Variants in RABGAP1 observed in about 807,000 individuals in gnomAD.
The protein encoded by RABGAP1 is RAB GTPase activating protein 1, also known as rab GTPase-activating protein 1.
In RABGAP1, 23 loss-of-function variants were observed where a neutral mutation model predicts 137.6. The observed-to-expected ratio is 0.17, with a 90% CI of 0.12 to 0.24. RABGAP1 has a LOEUF of 0.24. Among genes scored for constraint, RABGAP1 ranks in the 10% least tolerant of loss-of-function variants. RABGAP1 has a pLI of 1.00. For missense variants in RABGAP1, 906 were observed against 1,275.8 expected (o/e 0.71, Z 4.42); for synonymous variants, 451 against 450.7 (o/e 1.00, Z -0.01).
At chr9:123,031,971 T>C (rs531866111) in intron 13 of RABGAP1, among the ~76,000 whole-genome samples, 1 of 152,364 alleles carries the variant, frequency 6.6e-6, no homozygotes, top group East Asian at 1.9e-4. Context: ...TTCAGCTACC[T>C]TCAGTGCTTT....
chr9:123,065,079 C>T (rs975592036), intron 13 of RABGAP1, among the ~76,000 whole-genome samples: 1 of 152,164 alleles, frequency 6.6e-6, no homozygotes, highest in Non-Finnish European at 1.5e-5. Context: ...AGAAGGGTCA[C>T]CAGCTGCAGT....
intron 13 of RABGAP1, among the ~76,000 whole-genome samples, chr9:123,045,230 A>G (rs2033153376): frequency 1.3e-5 from 2 of 152,232 alleles, no homozygotes; most frequent in African/African-American, 4.8e-5. Flanking sequence ...GCATTTAAAT[A>G]GCATTATTTA....
intron 13 of RABGAP1, chr9:123,062,701 G>C (rs1175070035): frequency 2.0e-5 from 3 of 152,152 alleles, no homozygotes; most frequent in African/African-American, 7.2e-5. Context: ...AAATTGACAA[G>C]AACTGGCCCA....
intron 10 of RABGAP1, among the ~76,000 whole-genome samples, chr9:123,009,240 T>G (rs1490508240): frequency 6.6e-6 from 1 of 152,228 alleles, no homozygotes. Flanking sequence ...ACTATTTGGC[T>G]CTTTACAGAA....
chr9:123,064,246 G>C (rs181081828), intron 13 of RABGAP1, among the ~76,000 whole-genome samples: 36 of 152,226 alleles, frequency 2.4e-4, no homozygotes, highest in African/African-American at 8.2e-4. Flanking sequence ...CCACAGTCCT[G>C]AGCTGCCATT....
intron 19 of RABGAP1, among the ~76,000 whole-genome samples, chr9:123,088,198 A>T (rs1564187337): frequency 1.3e-5 from 2 of 151,942 alleles, no homozygotes. Flanking sequence ...CTACAGGCAC[A>T]TGCCACCATA....
chr9:122,963,532 C>T (rs1004681208), intron 2 of RABGAP1, among the ~76,000 whole-genome samples: 13 of 149,604 alleles, frequency 8.7e-5, no homozygotes, highest in African/African-American at 2.0e-4. Context: ...AATAAAAAGT[C>T]GAAGAAAAAA....
In RABGAP1 at chr9:122,989,349, A is replaced by G. The variant is rs377510182; in HGVS notation, c.643A>G (p.Ile215Val). ...TEIANYPIYK[I>V]LFCVRGHDGT... ...AATAGCAAACTACCCTATCTACAAA[A>G]TCCTCTTCTGTGTCAGAGGGCATGA... The change falls in exon 5 of 26, where the codon ATC becomes GTC. Residue 215 changes from isoleucine (I) to valine (V), a missense_variant. Transcript: ENST00000373647. 6 of 1,613,716 alleles carry G rather than the reference A, an allele frequency of 3.7e-6. No individual in the cohort carries two copies. The highest frequency in any genetic ancestry group is 4.2e-6 in the Non-Finnish European group (5 of 1,179,830).
chr9:123,052,340 C>T (rs1374758875), intron 13 of RABGAP1, among the ~76,000 whole-genome samples: 1 of 152,100 alleles, frequency 6.6e-6, no homozygotes, highest in Non-Finnish European at 1.5e-5. Context: ...TTAAGATAGA[C>T]CTACATGTTG....
At chr9:122,968,431 C>A (rs1214604838) in intron 2 of RABGAP1, among the ~76,000 whole-genome samples, 4 of 151,886 alleles carry the variant, frequency 2.6e-5, no homozygotes, top group Non-Finnish European at 5.9e-5. Flanking sequence ...CCAGGTTGGT[C>A]AGGCTGGTAC....
chr9:123,015,628 G>C lies in RABGAP1; in HGVS notation c.1635G>C (p.Leu545Phe). Residue 545 changes from leucine to phenylalanine, a missense_variant, in exon 12 of 26, where the codon TTG becomes TTC. Physicochemically the swap from Leu to Phe is conservative, Grantham distance 22. Coordinates refer to ENST00000373647, the MANE Select transcript of RABGAP1 (RefSeq NM_012197.4). ...TTCTTGAAACATGGGGAGAACTGTT[G>C]TCAAAATGGTAAGTTATGATAGAAT... ...EKILETWGEL[L>F]SKWHLNLNVR... is the part of the protein sequence containing the mutation. The C allele has an allele frequency of 6.2e-7, 1 of 1,605,124 alleles. No homozygotes were observed. Among genetic ancestry groups the C allele is most frequent in the South Asian group, 1.1e-5 (1 of 90,678 alleles).
intron 12 of RABGAP1, among the ~76,000 whole-genome samples, chr9:123,019,490 T>C (rs767842492): frequency 6.6e-6 from 1 of 152,010 alleles, no homozygotes; most frequent in Non-Finnish European, 1.5e-5. Context: ...TATTTTTATT[T>C]TTCTGTAGAC....
chr9:122,987,243 C>G (rs1836420449), intron 4 of RABGAP1, among the ~76,000 whole-genome samples: 1 of 152,164 alleles, frequency 6.6e-6, no homozygotes, highest in Admixed American at 6.5e-5. Flanking sequence ...AATCAGATGT[C>G]TGTATCAACC....
chr9:123,040,161 T>C (rs1250957454), intron 13 of RABGAP1, among the ~76,000 whole-genome samples: 3 of 152,212 alleles, frequency 2.0e-5, no homozygotes, highest in Non-Finnish European at 4.4e-5. Flanking sequence ...TCTGTGATTA[T>C]CTGTCTTCCA....
rs985061756 is a variant in RABGAP1 at position 122,990,149 on chromosome 9, A to G, written c.859A>G (p.Ser287Gly). ...SATAAPQTPDSDIFTFSVSLE... is the reference protein window; with the variant it reads ...SATAAPQTPDGDIFTFSVSLE... ...CACTGCTGCACCCCAGACTCCTGACAGTGACATCTTTACCTTCTCTGTGTC... is the reference window on the plus strand; with the variant it reads ...CACTGCTGCACCCCAGACTCCTGACGGTGACATCTTTACCTTCTCTGTGTC... The change falls in exon 6 of 26, where the codon AGT becomes GGT. Residue 287 changes from serine to glycine, a missense_variant. Around this residue, in one of 9 missense-constraint regions of RABGAP1, gnomAD observed 331 missense variants for 358.3 expected, o/e 0.92. Coordinates refer to ENST00000373647, the MANE Select transcript of RABGAP1 (RefSeq NM_012197.4). 1.9e-6 allele frequency: 3 copies of G among 1,612,266 alleles called. No individual in the cohort carries two copies. The highest frequency in any genetic ancestry group is 1.3e-5 in the African/African-American group (1 of 74,884).
At chr9:123,071,471 G>C (rs1372077540) in intron 15 of RABGAP1, 1 of 152,208 alleles carries the variant, frequency 6.6e-6, no homozygotes, top group Non-Finnish European at 1.5e-5. Flanking sequence ...TTGAGTACCT[G>C]TTATGATCTG....
Position 123,101,744 on chromosome 9 carries a change from A to G in RABGAP1, c.3068A>G (p.Glu1023Gly). ...GCACAGACCAAACTCCAGCTGGTGG[A>G]GGCCGAGTGTAAGATACAGGTAACA... ...ELAQTKLQLV[E>G]AECKIQDLEH... The change falls in exon 25 of 26, where the codon GAG (glutamate) becomes GGG (glycine). Residue 1023 changes from glutamate to glycine, a missense_variant. Glu to Gly is a moderately conservative substitution (Grantham distance 98). This residue lies in a region of RABGAP1 where 193 missense variants were observed against 248.1 expected (regional missense o/e 0.78). Coordinates refer to ENST00000373647, the MANE Select transcript of RABGAP1 (RefSeq NM_012197.4). 6.2e-7 allele frequency: 1 copy of G among 1,610,306 alleles called. No individual in the cohort carries two copies. The highest frequency in any genetic ancestry group is 2.2e-5 in the East Asian group (1 of 44,718).
intron 25 of RABGAP1, 45 bp from the exon 26 acceptor site, chr9:123,103,046 T>C (rs771861323): frequency 2.5e-6 from 4 of 1,599,626 alleles, no homozygotes; most frequent in Admixed American, 1.7e-5. Flanking sequence ...GCCAGTGTCA[T>C]TGACACCAAG....
chr9:122,957,665 A>G lies in RABGAP1; in HGVS notation c.150+456A>G, dbSNP rs548305475. Among the ~76,000 whole-genome samples the G allele has an allele frequency of 1.4e-4, 22 of 151,880 alleles. No homozygotes were observed. The South Asian group carries it at 4.6e-3, about 32-fold the overall frequency. On this transcript the variant is annotated intron_variant, in intron 2 of 25. Transcript: ENST00000373647. ...ATTACTTATTTTCCAATGCCCTATTATTGTTCTACTCTTTATTGATATAAA... is the reference window on the plus strand; with the variant it reads ...ATTACTTATTTTCCAATGCCCTATTGTTGTTCTACTCTTTATTGATATAAA...
Sources: gnomAD v4.1 joint callset for allele counts (sites outside exome capture counted in the v4.1 genomes callset) on GRCh38, gnomAD v4.1.1 for gene constraint, gnomAD v4.1.1 regional missense constraint, MANE v1.5 for transcripts, NCBI Gene and HGNC (gene_info 2026-07-23, HGNC 2026-07-21) for gene names.